The following RERE variants were observed in gnomAD, a reference collection of about 807,000 sequenced individuals.
RERE encodes the protein arginine-glutamic acid dipeptide repeats.
In RERE, 40 loss-of-function variants were observed where a neutral mutation model predicts 146.1. That is an observed-to-expected ratio of 0.27 (90% CI 0.21 to 0.36). The LOEUF (loss-of-function observed/expected upper bound fraction) is 0.36. RERE is among the 10% of genes least tolerant of loss of function. The probability of loss-of-function intolerance (pLI) is 1.00; values close to 1 mark genes in which losing one functional copy is unlikely to be tolerated. For synonymous variants in RERE, 1,003 were observed against 866.0 expected (o/e 1.16, Z -2.78); for missense variants, 1,933 against 2,138.7 (o/e 0.90, Z 1.90).
chr1:8,564,796 TGTG>T (rs1646123892), intron 4 of RERE, among the ~76,000 whole-genome samples: 1 of 138,002 alleles, frequency 7.2e-6, no homozygotes, highest in African/African-American at 2.7e-5. Context: ...AGACAGAAAA[TGTG>T]GTGTGTGTGT....
intron 12 of RERE, among the ~76,000 whole-genome samples, chr1:8,413,876 T>G (rs1353732775): frequency 6.6e-6 from 1 of 151,334 alleles, no homozygotes; most frequent in Non-Finnish European, 1.5e-5. Context: ...GCCAACACAG[T>G]GAAACCTCAT....
intron 2 of RERE, among the ~76,000 whole-genome samples, chr1:8,636,054 T>A (rs1647098542): frequency 6.6e-6 from 1 of 152,320 alleles, no homozygotes; most frequent in South Asian, 2.1e-4. Context: ...AATGGCGCGA[T>A]CTCAGCTCAC....
At chr1:8,494,114 T>C (rs542783763) in intron 10 of RERE, among the ~76,000 whole-genome samples, 3 of 152,260 alleles carry the variant, frequency 2.0e-5, no homozygotes, top group Non-Finnish European at 4.4e-5. Flanking sequence ...TGAGTAATTA[T>C]GATGGTATGT....
At chr1:8,481,383 G>A (rs1262008593) in intron 10 of RERE, among the ~76,000 whole-genome samples, 3 of 152,110 alleles carry the variant, frequency 2.0e-5, no homozygotes, top group Non-Finnish European at 4.4e-5. Flanking sequence ...CAAAGTGCTG[G>A]GATTACATGC....
At chr1:8,362,327 GCA>G (rs1421892260) in intron 16 of RERE, among the ~76,000 whole-genome samples, 2 of 152,202 alleles carry the variant, frequency 1.3e-5, no homozygotes, top group Non-Finnish European at 2.9e-5. Flanking sequence ...TGAGATTTGA[GCA>G]CCTGTGGATT....
Position 8,354,987 on chromosome 1 carries a change from G to T in RERE, c.*100C>A, listed in dbSNP as rs957220339. 1.1e-5 allele frequency: 10 copies of T among 919,444 alleles called. No individual in the cohort carries two copies. Among genetic ancestry groups the T allele is most frequent in the Non-Finnish European group, 1.7e-5 (10 of 579,826 alleles). The allele number at this position is 919,444 out of a possible 1,614,324, so 57.0% of individuals were successfully genotyped here. On this transcript the variant is annotated 3_prime_UTR_variant, in exon 23 of 23. Transcript: ENST00000400908. ...TAAATATATAAAGAAATCTTTAGAA[G>T]ATATTCTTTTTGCTTTTGCAGCTCC...
chr1:8,368,693 T>A (rs1339608492), intron 12 of RERE, among the ~76,000 whole-genome samples: 1 of 152,132 alleles, frequency 6.6e-6, no homozygotes, highest in East Asian at 1.9e-4. Context: ...CACACAGTTA[T>A]AATCAATTAT....
chr1:8,427,467 T>C (rs1644030817), intron 11 of RERE, among the ~76,000 whole-genome samples: 1 of 151,986 alleles, frequency 6.6e-6, no homozygotes, highest in Non-Finnish European at 1.5e-5. Context: ...AGACTAAATC[T>C]ATGGTCCAAG....
In RERE at chr1:8,361,212, C is replaced by A; in HGVS notation, c.2295G>T (p.Gly765=). The change falls in exon 18 of 23, where the codon GGG becomes GGT. Residue 765 remains glycine (G), a synonymous_variant. Coordinates refer to ENST00000400908, the MANE Select transcript of RERE (RefSeq NM_001042681.2). ...PPGTPQLPTP[G]PTPSATAVPP... is the part of the protein sequence containing the mutation. ...GAACTGCAGTGGCAGAGGGCGTGGG[C>A]CCTGGCGTGGGCAGCTGAGGGGTCC... The A allele has an allele frequency of 2.0e-6, 3 of 1,518,928 alleles. No individual in the cohort carries two copies. Among genetic ancestry groups the A allele is most frequent in the Admixed American group, 2.1e-5 (1 of 47,174 alleles). 94.1% of individuals were successfully genotyped at this position (1,518,928 alleles called of 1,614,324 possible).
intron 12 of RERE, among the ~76,000 whole-genome samples, chr1:8,401,038 CATATATATATATATATATATATATATAT>C (rs59752248): frequency 1.7e-5 from 1 of 57,482 alleles, no homozygotes; most frequent in East Asian, 4.4e-4. Context: ...AAAAAAAAAC[CATATATATATATATATATATATATATAT>C]ATATATGTCA....
chr1:8,751,803 T>TA (rs1640542747), intron 1 of RERE, among the ~76,000 whole-genome samples: 1 of 151,268 alleles, frequency 6.6e-6, no homozygotes, highest in African/African-American at 2.4e-5. Flanking sequence ...AGAACTTACA[T>TA]TATCATCTAG....
chr1:8,360,413 G>A lies in RERE; in HGVS notation c.3094C>T (p.Pro1032Ser), dbSNP rs560145297. The change falls in exon 18 of 23, where the codon CCC (proline) becomes TCC (serine). Residue 1032 changes from proline to serine, a missense_variant. Physicochemically the swap from Pro to Ser is moderately conservative, Grantham distance 74. Around this residue, in one of 11 missense-constraint regions of RERE, gnomAD observed 1,255 missense variants for 1,153.8 expected, o/e 1.09. Transcript: ENST00000400908. ...PTGLHQVAPQPPFAQHPFVPG... is the reference protein window; with the variant it reads ...PTGLHQVAPQSPFAQHPFVPG... ...ACAAAGGGGTGCTGAGCAAACGGGG[G>A]TTGGGGGGCCACCTGGTGGAGGCCT... The A allele has an allele frequency of 4.8e-5, 65 of 1,362,968 alleles. No individual in the cohort carries two copies. The African/African-American group carries it at 8.7e-4, about 18-fold the overall frequency. 84.4% of individuals were successfully genotyped at this position (1,362,968 alleles called of 1,614,324 possible).
At chr1:8,403,372 A>G (rs534650776) in intron 12 of RERE, among the ~76,000 whole-genome samples, 1 of 150,938 alleles carries the variant, frequency 6.6e-6, no homozygotes, top group South Asian at 2.1e-4. Flanking sequence ...TTTGTTTCTA[A>G]TACTGTTTAC....
intron 2 of RERE, among the ~76,000 whole-genome samples, chr1:8,636,560 CAATAAT>C (rs1186941505): frequency 1.3e-5 from 2 of 151,450 alleles, no homozygotes; most frequent in African/African-American, 4.8e-5. Context: ...ATAATAATAA[CAATAAT>C]AATATTAAAT....
rs564453834 is a variant in RERE, at chr1:8,784,257, A to C, written c.-145+32903T>G. Among the ~76,000 whole-genome samples the C allele has an allele frequency of 2.0e-5, 3 of 152,242 alleles. No homozygotes were observed. In the South Asian group the frequency reaches 6.2e-4, roughly 32 times the overall value. On this transcript the variant is annotated intron_variant, in intron 1 of 22. Coordinates refer to ENST00000400908, the MANE Select transcript of RERE (RefSeq NM_001042681.2). ...CATTTTAGCCTTTTGCTCAAACATC[A>C]TCCTCTCCATGAGGCCTATCCTGAC...
At chr1:8,695,138 C>T (rs1639299338) in intron 1 of RERE, among the ~76,000 whole-genome samples, 1 of 152,110 alleles carries the variant, frequency 6.6e-6, no homozygotes, top group Non-Finnish European at 1.5e-5. Context: ...GCCATCTGAT[C>T]TTTGACAATG....
At position 8,577,475 on chromosome 1, in the gene RERE, G is replaced by A. The variant is rs866319758; in HGVS notation, c.523-19952C>T. The stretch of plus-strand genomic sequence containing the variant: ...AAACAAGCCTGTATAATTACAGTTG[G>A]TCATGCCAACAGTCTGGTGACCAAT... On this transcript the variant is annotated intron_variant, in intron 4 of 22. Coordinates refer to ENST00000400908, the MANE Select transcript of RERE (RefSeq NM_001042681.2). Among the ~76,000 whole-genome samples the A allele has an allele frequency of 3.9e-5, 6 of 152,234 alleles. No homozygotes were observed. In the South Asian group the frequency reaches 1.2e-3, roughly 32 times the overall value.
intron 12 of RERE, among the ~76,000 whole-genome samples, chr1:8,397,441 C>A (rs931068310): frequency 1.2e-4 from 18 of 152,112 alleles, no homozygotes; most frequent in Non-Finnish European, 1.9e-4. Flanking sequence ...TTACCCCAAA[C>A]CCCCAGAGAA....
At chr1:8,529,465 ATTT>A (rs35913350) in intron 7 of RERE, among the ~76,000 whole-genome samples, 194 of 145,380 alleles carry the variant, frequency 1.3e-3, no homozygotes, top group Non-Finnish European at 1.3e-3. Flanking sequence ...AAATTTTTTA[ATTT>A]TTTTTTTTTT....
Sources: allele counts gnomAD v4.1 joint callset (sites outside exome capture counted in the v4.1 genomes callset), GRCh38; gene constraint gnomAD v4.1.1; regional missense constraint gnomAD v4.1.1; transcripts MANE v1.5; gene names NCBI Gene and HGNC (gene_info 2026-07-23, HGNC 2026-07-21).